Variants in CLVS1 observed in about 807,000 individuals in gnomAD.
CLVS1 encodes the protein clavesin 1.
CLVS1 carries 10 observed loss-of-function variants against 33.1 expected under a neutral mutation model. The observed-to-expected ratio is 0.30, with a 90% CI of 0.19 to 0.51. The LOEUF (loss-of-function observed/expected upper bound fraction) is 0.51. Ranked by LOEUF, CLVS1 falls within the 20% of genes least tolerant of loss-of-function variation. The pLI, the probability that CLVS1 is intolerant of heterozygous loss-of-function variation, is 0.97. For missense variants in CLVS1, 343 were observed against 433.4 expected, an observed-to-expected ratio of 0.79 and a Z score of 1.85; for synonymous variants, 163 against 166.1, an observed-to-expected ratio of 0.98 and a Z score of 0.14.
intron 1 of CLVS1, among the ~76,000 whole-genome samples, chr8:61,290,712 T>C (rs1471357983): frequency 6.6e-6 from 1 of 152,228 alleles, no homozygotes. Context: ...TCTTCTCTAC[T>C]CTTCCTGTTA....
At chr8:61,282,482 T>G (rs981927608) in intron 2 of CLVS1, among the ~76,000 whole-genome samples, 2 of 152,202 alleles carry the variant, frequency 1.3e-5, no homozygotes, top group African/African-American at 4.8e-5. Flanking sequence ...GCAGATAATA[T>G]AGCAGAACAG....
intron 3 of CLVS1, among the ~76,000 whole-genome samples, chr8:61,444,338 A>G (rs114984405): frequency 0.013 from 2,038 of 152,324 alleles, 47 homozygotes; most frequent in African/African-American, 0.047. Flanking sequence ...GTTTTTCACC[A>G]TAAAGTATAA....
At chr8:61,308,819 T>C (rs1214520826) in intron 2 of CLVS1, among the ~76,000 whole-genome samples, 5 of 152,218 alleles carry the variant, frequency 3.3e-5, no homozygotes, top group East Asian at 3.8e-4. Context: ...ATGGGTACTA[T>C]GTAACAGTGA....
At chr8:61,354,079 C>A (rs958589814) in intron 2 of CLVS1, among the ~76,000 whole-genome samples, 4 of 152,016 alleles carry the variant, frequency 2.6e-5, no homozygotes, top group Non-Finnish European at 4.4e-5. Context: ...CCTTCAAATT[C>A]GTTGAATTCA....
intron 2 of CLVS1, among the ~76,000 whole-genome samples, chr8:61,301,568 A>T (rs1242355569): frequency 6.6e-6 from 1 of 152,236 alleles, no homozygotes; most frequent in African/African-American, 2.4e-5. Context: ...AGCTCTGCTA[A>T]GCATAAATAT....
the CLVS1 span, among the ~76,000 whole-genome samples, chr8:60,982,657 G>T: frequency 6.6e-6 from 1 of 152,096 alleles, no homozygotes; most frequent in Non-Finnish European, 1.5e-5. Flanking sequence ...CCTTAGAACT[G>T]GAATCCTTGA....
chr8:61,422,699 A>G (rs1419588995), intron 3 of CLVS1, among the ~76,000 whole-genome samples: 2 of 152,238 alleles, frequency 1.3e-5, no homozygotes, highest in African/African-American at 2.4e-5. Context: ...TGATGGAATA[A>G]AAGTATGAAA....
Position 61,244,263 on chromosome 8 carries a change from T to G in CLVS1, c.-151-55414T>G, listed in dbSNP as rs142677832. ...TTCTGTGATCCATAAGTTATTTAAA[T>G]ATATTTATTAATTCCCAAATATATG... is the stretch of plus-strand genomic sequence containing the variant. On this transcript the variant is annotated intron_variant, in intron 2 of 2. Transcript: ENST00000522621. Among the ~76,000 whole-genome samples, 273 of 152,248 alleles carry G rather than the reference T, an allele frequency of 1.8e-3. 1 individual carries two copies. The highest frequency in any genetic ancestry group is 4.8e-3 in the African/African-American group (198 of 41,548).
the CLVS1 span, among the ~76,000 whole-genome samples, chr8:61,050,178 G>T: frequency 6.6e-6 from 1 of 151,950 alleles, no homozygotes; most frequent in African/African-American, 2.4e-5. Flanking sequence ...TTTTTTTACT[G>T]TGTTCATCCT....
At chr8:61,170,343 C>T (rs150946031) in intron 2 of CLVS1, among the ~76,000 whole-genome samples, 15 of 152,174 alleles carry the variant, frequency 9.9e-5, no homozygotes, top group East Asian at 3.9e-4. Context: ...CCTCTCTTTC[C>T]GTTCTCCACT....
chr8:61,253,677 T>G (rs1809002007), intron 2 of CLVS1, among the ~76,000 whole-genome samples: 1 of 152,206 alleles, frequency 6.6e-6, no homozygotes, highest in Non-Finnish European at 1.5e-5. Flanking sequence ...CATTTGATCT[T>G]CCATCACTGA....
In CLVS1 at chr8:61,458,310, T is replaced by G; in HGVS notation, c.745T>G (p.Phe249Val). Residue 249 changes from phenylalanine to valine, a missense_variant, in exon 5 of 6, where the codon TTC becomes GTC. Phe to Val is a conservative substitution (Grantham distance 50). This residue lies in a region of CLVS1 where 166 missense variants were observed against 244.0 expected (regional missense o/e 0.68). Coordinates refer to ENST00000325897, the MANE Select transcript of CLVS1 (RefSeq NM_173519.3). ...TTACTTTTTGTTTTCTTTACAGATT[T>G]TCCTGCATGGAAACAATTTAAACAG... ...FLKDKTRKRI[F>V]LHGNNLNSLH... The G allele has an allele frequency of 6.2e-7, 1 of 1,608,878 alleles. No individual in the cohort carries two copies. The highest frequency in any genetic ancestry group is 8.5e-7 in the Non-Finnish European group (1 of 1,177,468).
chr8:61,486,142 G>T (rs905743533), intron 5 of CLVS1, among the ~76,000 whole-genome samples: 1 of 139,398 alleles, frequency 7.2e-6, no homozygotes, highest in Admixed American at 6.9e-5. Flanking sequence ...AAATGGGAGA[G>T]TGATGCCTCC....
chr8:61,114,748 G>T (rs1805687170), intron 1 of CLVS1, among the ~76,000 whole-genome samples: 1 of 152,174 alleles, frequency 6.6e-6, no homozygotes, highest in Non-Finnish European at 1.5e-5. Context: ...AAAGTGAATA[G>T]AAATCTTTAT....
intron 2 of CLVS1, among the ~76,000 whole-genome samples, chr8:61,190,736 C>A (rs1354651962): frequency 6.6e-6 from 1 of 152,170 alleles, no homozygotes; most frequent in African/African-American, 2.4e-5. Context: ...TCAGATAATA[C>A]TATAAAGCCC....
intron 3 of CLVS1, among the ~76,000 whole-genome samples, chr8:61,431,472 T>C (rs1225109666): frequency 6.6e-6 from 1 of 152,200 alleles, no homozygotes; most frequent in African/African-American, 2.4e-5. Context: ...TAGTTTAGTC[T>C]CTTCTTTCTT....
At chr8:61,456,143 A>G (rs1817147655) in intron 4 of CLVS1, among the ~76,000 whole-genome samples, 1 of 152,168 alleles carries the variant, frequency 6.6e-6, no homozygotes, top group African/African-American at 2.4e-5. Flanking sequence ...ATAGGTGGGC[A>G]TTTTTGGAGC....
At chr8:61,390,295 A>T (rs78078274) in intron 3 of CLVS1, among the ~76,000 whole-genome samples, 2,020 of 152,316 alleles carry the variant, frequency 0.013, 47 homozygotes, top group African/African-American at 0.046. Context: ...TACAACGACT[A>T]CATCATTGTT....
chr8:61,271,962 G>T (rs1353779062), intron 2 of CLVS1, among the ~76,000 whole-genome samples: 2 of 151,848 alleles, frequency 1.3e-5, no homozygotes, highest in Non-Finnish European at 2.9e-5. Context: ...GTCTGTCTGT[G>T]TCTTTTAATT....
Sources: allele counts gnomAD v4.1 joint callset (sites outside exome capture counted in the v4.1 genomes callset), GRCh38; gene constraint gnomAD v4.1.1; regional missense constraint gnomAD v4.1.1; transcripts MANE v1.5; gene names NCBI Gene and HGNC (gene_info 2026-07-23, HGNC 2026-07-21).